The following ARHGAP27 variants were observed in gnomAD, a reference collection of about 807,000 sequenced individuals.
ARHGAP27 encodes the protein rho GTPase-activating protein 27.
In ARHGAP27, 53 loss-of-function variants were observed where a neutral mutation model predicts 102.0. The observed-to-expected ratio is 0.52, with a 90% CI of 0.42 to 0.65. The LOEUF (loss-of-function observed/expected upper bound fraction) is 0.65. Ranked by LOEUF, ARHGAP27 falls within the 30% of genes least tolerant of loss-of-function variation. The pLI is 0.00. For missense variants in ARHGAP27, 1,117 were observed against 1,256.2 expected (o/e 0.89, Z 1.68); for synonymous variants, 525 against 542.8 (o/e 0.97, Z 0.46).
At chr17:45,407,087 G>A (rs1408396713) in intron 4 of ARHGAP27, among the ~76,000 whole-genome samples, 3 of 152,164 alleles carry the variant, frequency 2.0e-5, no homozygotes, top group African/African-American at 7.2e-5. Flanking sequence ...GCTCCCTGCT[G>A]GCTGCAGGGC....
chr17:45,409,928 G>C, intron 4 of ARHGAP27: 1 of 404,634 alleles, frequency 2.5e-6, no homozygotes, highest in East Asian at 4.6e-5. Flanking sequence ...CCTCAGGCCA[G>C]AGGAGGAGCC....
chr17:45,429,352 T>A, intron 4 of ARHGAP27: 1 of 1,198,438 alleles, frequency 8.3e-7, no homozygotes, highest in Non-Finnish European at 1.1e-6. Flanking sequence ...CAGCCTCACA[T>A]CAGTTCAAGC....
chr17:45,421,958 G>A (rs2078174050), intron 4 of ARHGAP27, among the ~76,000 whole-genome samples: 1 of 152,146 alleles, frequency 6.6e-6, no homozygotes, highest in Admixed American at 6.5e-5. Flanking sequence ...TTGAGGTCAG[G>A]AGTTTGAGAC....
rs2046912457 is a variant in ARHGAP27, at chr17:45,404,687, G to A, written c.1249-6C>T. ...GGGTCCTCCAGCCTCACCCACTGTG[G>A]GGAGAGGAATGGTCAGGGCCTCCAG... On this transcript the variant is annotated splice_region_variant and splice_polypyrimidine_tract_variant and intron_variant, in intron 6 of 19. Transcript: ENST00000685559. 1.2e-6 allele frequency: 2 copies of A among 1,608,320 alleles called. No homozygotes were observed. Among genetic ancestry groups the A allele is most frequent in the African/African-American group, 2.7e-5 (2 of 74,332 alleles).
At chr17:45,395,892 G>T in intron 18 of ARHGAP27, 43 bp from the exon 19 acceptor site, 2 of 1,581,686 alleles carry the variant, frequency 1.3e-6, no homozygotes, top group Non-Finnish European at 1.7e-6. Context: ...GGAACGGGAG[G>T]TAGGGGGTAT....
intron 4 of ARHGAP27, among the ~76,000 whole-genome samples, chr17:45,416,132 G>A (rs1489776614): frequency 1.3e-5 from 2 of 151,502 alleles, no homozygotes; most frequent in South Asian, 2.1e-4. Flanking sequence ...TGCAGGCTCC[G>A]CCTCCCGGGT....
At position 45,404,620 on chromosome 17, in the gene ARHGAP27, A is replaced by G; in HGVS notation, c.1310T>C (p.Val437Ala). 1 of 1,613,748 alleles carries G rather than the reference A, an allele frequency of 6.2e-7. No individual in the cohort carries two copies. The highest frequency in any genetic ancestry group is 1.3e-5 in the African/African-American group (1 of 74,952). The part of the protein sequence containing the change: ...PYFYNPEDSS[V>A]RWELPQVPVP... Reference sequence around the variant, plus strand: ...TGTTACCTGGGGCAGCTCCCATCGAACAGAGGAGTCCTCTGGATTGTAGAA... The same window carrying G: ...TGTTACCTGGGGCAGCTCCCATCGAGCAGAGGAGTCCTCTGGATTGTAGAA... The change falls in exon 7 of 20, where the codon GTT (valine) becomes GCT (alanine). Residue 437 changes from valine (V) to alanine (A), a missense_variant. Transcript: ENST00000685559.
intron 4 of ARHGAP27, 49 bp from the exon 5 acceptor site, chr17:45,406,132 A>G (rs1338060833): frequency 1.0e-5 from 15 of 1,471,176 alleles, no homozygotes; most frequent in Non-Finnish European, 1.3e-5. Context: ...ACCTTCCAAA[A>G]TGGTAACAGA....
Position 45,395,476 on chromosome 17 carries a change from C to A in ARHGAP27, c.2650G>T (p.Asp884Tyr). Residue 884 changes from aspartate (D) to tyrosine (Y), a missense_variant, in exon 20 of 20, where the codon GAC (aspartate) becomes TAC (tyrosine). Asp to Tyr is a radical substitution (Grantham distance 160). Around this residue, in one of 3 missense-constraint regions of ARHGAP27, gnomAD observed 493 missense variants for 505.5 expected, o/e 0.98. Transcript: ENST00000685559. ...AGCAGTCAGTGCGGCGGGAAGATGT[C>A]CGCGCACTGCTGCAGGATGAGCTCC... The part of the protein sequence containing the change: ...VVELILQQCA[D>Y]IFPPH 1.3e-6 allele frequency: 2 copies of A among 1,567,080 alleles called. No homozygotes were observed. Among genetic ancestry groups the A allele is most frequent in the Admixed American group, 1.9e-5 (1 of 53,830 alleles).
At chr17:45,428,206 G>A (rs2049791869) in intron 4 of ARHGAP27, among the ~76,000 whole-genome samples, 2 of 152,200 alleles carry the variant, frequency 1.3e-5, no homozygotes, top group African/African-American at 4.8e-5. Flanking sequence ...AGCCCCGCCC[G>A]CCGGGTGCCG....
At chr17:45,422,601 C>T (rs2049143967) in intron 4 of ARHGAP27, among the ~76,000 whole-genome samples, 1 of 152,066 alleles carries the variant, frequency 6.6e-6, no homozygotes, top group African/African-American at 2.4e-5. Flanking sequence ...AAGAGGGACA[C>T]CACGTAATGA....
chr17:45,402,430 T>C (rs1313438828), intron 12 of ARHGAP27, among the ~76,000 whole-genome samples: 1 of 152,164 alleles, frequency 6.6e-6, no homozygotes, highest in Non-Finnish European at 1.5e-5. Context: ...GGGTGCAGCG[T>C]TGGCCTTGAG....
chr17:45,416,839 G>A (rs2048510639), intron 4 of ARHGAP27, among the ~76,000 whole-genome samples: 1 of 144,996 alleles, frequency 6.9e-6, no homozygotes, highest in African/African-American at 2.5e-5. Context: ...GAGCCACCGC[G>A]CCCGGCCTGT....
At chr17:45,407,084 G>C (rs547391271) in intron 4 of ARHGAP27, among the ~76,000 whole-genome samples, 37 of 152,302 alleles carry the variant, frequency 2.4e-4, no homozygotes, top group Non-Finnish European at 4.1e-4. Flanking sequence ...AGAGCTCCCT[G>C]CTGGCTGCAG....
chr17:45,426,400 C>T (rs1326252501), intron 4 of ARHGAP27, among the ~76,000 whole-genome samples: 1 of 152,096 alleles, frequency 6.6e-6, no homozygotes, highest in African/African-American at 2.4e-5. Flanking sequence ...GCACAGTGAC[C>T]AGCCCACCCC....
At position 45,413,998 on chromosome 17, in the gene ARHGAP27, C is replaced by G. The variant is rs549892478; in HGVS notation, c.658-7915G>C. ...GCGTGCGCCTGTAATTCCAGCTACTCGGGAGGCTGAGGCAAGAGAATTGCC... is the reference window on the plus strand; with the variant it reads ...GCGTGCGCCTGTAATTCCAGCTACTGGGGAGGCTGAGGCAAGAGAATTGCC... On this transcript the variant is annotated intron_variant, in intron 4 of 19. Coordinates refer to ENST00000685559, the MANE Select transcript of ARHGAP27 (RefSeq NM_001282290.2). Among the ~76,000 whole-genome samples, 102 of 151,964 alleles carry G rather than the reference C, an allele frequency of 6.7e-4. 1 individual carries two copies. Among genetic ancestry groups the G allele is most frequent in the African/African-American group, 2.3e-3 (94 of 41,446 alleles).
At chr17:45,424,945 G>A (rs1407588191) in intron 4 of ARHGAP27, among the ~76,000 whole-genome samples, 1 of 151,868 alleles carries the variant, frequency 6.6e-6, no homozygotes, top group African/African-American at 2.4e-5. Flanking sequence ...CAAGGACTAA[G>A]AGGTGAGAGC....
At chr17:45,410,142 G>T (rs915561457) in intron 4 of ARHGAP27, 47 of 1,415,286 alleles carry the variant, frequency 3.3e-5, no homozygotes, top group African/African-American at 5.9e-5. Context: ...CTTCCAAGAG[G>T]CTCCCTGCTC....
chr17:45,395,657 A>C (rs1392956253), intron 19 of ARHGAP27, 24 bp from the exon 20 acceptor site: 1 of 1,577,576 alleles, frequency 6.3e-7, no homozygotes, highest in South Asian at 1.1e-5. Flanking sequence ...GGGTGGGTTC[A>C]GGGCTCCGAA....
Sources: allele counts gnomAD v4.1 joint callset (sites outside exome capture counted in the v4.1 genomes callset), GRCh38; gene constraint gnomAD v4.1.1; regional missense constraint gnomAD v4.1.1; transcripts MANE v1.5; gene names NCBI Gene and HGNC (gene_info 2026-07-23, HGNC 2026-07-21).